SHTN1: variants seen among roughly 807,000 people sequenced by gnomAD.
SHTN1 encodes shootin-1.
In SHTN1, 42 loss-of-function variants were observed where a neutral mutation model predicts 83.1. That is an observed-to-expected ratio of 0.51 (90% confidence interval 0.39 to 0.65). The LOEUF (loss-of-function observed/expected upper bound fraction) is 0.65. SHTN1 is among the 30% of genes least tolerant of loss of function. SHTN1 has a pLI of 0.00. For missense variants in SHTN1, 622 were observed against 737.8 expected (o/e 0.84, Z 1.82); for synonymous variants, 224 against 247.7 (o/e 0.90, Z 0.90).
chr10:117,050,057 T>C (rs1852719103), intron 1 of SHTN1, among the ~76,000 whole-genome samples: 1 of 152,066 alleles, frequency 6.6e-6, no homozygotes, highest in Non-Finnish European at 1.5e-5. Flanking sequence ...CTAGATGTAG[T>C]GGTATGAGCC....
At chr10:116,890,148 T>C (rs1847291708) in intron 16 of SHTN1, among the ~76,000 whole-genome samples, 1 of 83,590 alleles carries the variant, frequency 1.2e-5, no homozygotes, top group South Asian at 5.5e-4. Flanking sequence ...AATTGTAATA[T>C]ACTGTCATTC....
At chr10:116,944,889 CAAGAAAA>C (rs1028807606) in intron 8 of SHTN1, 28 bp downstream of exon 8, 6 of 1,394,130 alleles carry the variant, frequency 4.3e-6, no homozygotes. Flanking sequence ...GACTCTGTCT[CAAGAAAA>C]AAAATAAGAT....
intron 3 of SHTN1, among the ~76,000 whole-genome samples, chr10:116,962,007 C>T (rs1043394137): frequency 2.0e-5 from 3 of 152,008 alleles, no homozygotes; most frequent in African/African-American, 7.2e-5. Context: ...ACCTTTCTGG[C>T]TCCAATTGAA....
intron 9 of SHTN1, among the ~76,000 whole-genome samples, chr10:116,934,953 T>G (rs1200289607): frequency 6.6e-6 from 1 of 152,228 alleles, no homozygotes; most frequent in African/African-American, 2.4e-5. Flanking sequence ...AGTTCACTCA[T>G]GATTTGGCTA....
intron 1 of SHTN1, among the ~76,000 whole-genome samples, chr10:117,074,675 C>T (rs1356812128): frequency 6.6e-6 from 1 of 152,148 alleles, no homozygotes; most frequent in African/African-American, 2.4e-5. Context: ...GTAACCCATG[C>T]CATTTCTATT....
At chr10:117,066,009 G>A in intron 1 of SHTN1, among the ~76,000 whole-genome samples, 1 of 151,364 alleles carries the variant, frequency 6.6e-6, no homozygotes, top group Non-Finnish European at 1.5e-5. Flanking sequence ...AGGTTTCAGT[G>A]AGCTATGATT....
intron 1 of SHTN1, among the ~76,000 whole-genome samples, chr10:117,074,526 C>A (rs1367322259): frequency 6.6e-6 from 1 of 152,100 alleles, no homozygotes; most frequent in African/African-American, 2.4e-5. Flanking sequence ...TCAAGTAATC[C>A]ACAACTCACA....
At chr10:116,954,731 G>A (rs1402927765) in intron 4 of SHTN1, among the ~76,000 whole-genome samples, 1 of 152,142 alleles carries the variant, frequency 6.6e-6, no homozygotes, top group Non-Finnish European at 1.5e-5. Context: ...TGACCCAAGT[G>A]TGACCAGTCA....
At chr10:116,994,079 A>G (rs964815132) in intron 1 of SHTN1, among the ~76,000 whole-genome samples, 2 of 152,022 alleles carry the variant, frequency 1.3e-5, no homozygotes, top group African/African-American at 4.8e-5. Flanking sequence ...AAGGATTAAA[A>G]CTCTAATTAA....
At chr10:116,954,014 T>A (rs752932109) in intron 5 of SHTN1, 28 bp downstream of exon 5, 1 of 1,579,454 alleles carries the variant, frequency 6.3e-7, no homozygotes, top group South Asian at 1.2e-5. Flanking sequence ...GTAAAAAATA[T>A]GCTCAATAAT....
In SHTN1 at chr10:117,117,009, C is replaced by T. The variant is rs558297273; in HGVS notation, c.-189+9298G>A. ...TAAGATGTGGAACAAGACAAGGATG[C>T]CCACCTTCACCACTTTTATTCAACA... On this transcript the variant is annotated intron_variant, in intron 1 of 17. Transcript: ENST00000392901. 7.5e-4 allele frequency among the ~76,000 whole-genome samples: 114 copies of T among 152,218 alleles called. 2 individuals are homozygous for T. The South Asian group carries it at 0.022, about 30-fold the overall frequency.
intron 12 of SHTN1, among the ~76,000 whole-genome samples, chr10:116,920,876 A>C (rs1157264172): frequency 6.6e-6 from 1 of 151,854 alleles, no homozygotes; most frequent in Non-Finnish European, 1.5e-5. Context: ...CACCCAACCC[A>C]CCCAATGTTC....
chr10:117,056,264 A>G (rs562600695), intron 1 of SHTN1, among the ~76,000 whole-genome samples: 1 of 152,356 alleles, frequency 6.6e-6, no homozygotes, highest in African/African-American at 2.4e-5. Flanking sequence ...TACAAAAAAG[A>G]AAATTACAGA....
chr10:117,008,600 G>A (rs1336545861), upstream of SHTN1, among the ~76,000 whole-genome samples: 2 of 152,158 alleles, frequency 1.3e-5, no homozygotes, highest in Non-Finnish European at 2.9e-5. Context: ...GAAAAGACCA[G>A]ATATTGTATG....
intron 2 of SHTN1, among the ~76,000 whole-genome samples, chr10:116,972,894 G>A (rs933409498): frequency 2.2e-4 from 33 of 152,280 alleles, no homozygotes; most frequent in Admixed American, 2.0e-3. Flanking sequence ...TGGCCTTGCT[G>A]GTTTTGAAAG....
At chr10:117,120,248 ATTT>A (rs60258460) in intron 1 of SHTN1, among the ~76,000 whole-genome samples, 2 of 139,988 alleles carry the variant, frequency 1.4e-5, no homozygotes, top group Admixed American at 1.4e-4. Flanking sequence ...CCATGATGTG[ATTT>A]TTTTTTTTTT....
intron 2 of SHTN1, among the ~76,000 whole-genome samples, chr10:117,035,829 C>A (rs1199441672): frequency 6.6e-6 from 1 of 151,020 alleles, no homozygotes; most frequent in African/African-American, 2.4e-5. Context: ...GCCTGTAAAT[C>A]CCAGCTACTC....
intron 16 of SHTN1, 171 bp downstream of exon 16, chr10:116,901,592 ATC>A: frequency 1.0e-6 from 1 of 985,386 alleles, no homozygotes; most frequent in Non-Finnish European, 1.2e-6. Flanking sequence ...TCTGAATGAG[ATC>A]TCTTAGCTAG....
At chr10:117,008,497 T>G (rs1175261758), upstream of SHTN1, among the ~76,000 whole-genome samples, 1 of 152,144 alleles carries the variant, frequency 6.6e-6, no homozygotes, top group Non-Finnish European at 1.5e-5. Context: ...AATGGCAATA[T>G]TGGAATATTA....
Sources: gnomAD v4.1 joint callset for allele counts (sites outside exome capture counted in the v4.1 genomes callset) on GRCh38, gnomAD v4.1.1 for gene constraint, MANE v1.5 for transcripts, NCBI Gene and HGNC (gene_info 2026-07-23, HGNC 2026-07-21) for gene names.